CAPN2: variants seen among roughly 807,000 people sequenced by gnomAD.
CAPN2 encodes the protein calpain 2.
A neutral mutation model predicts 102.3 loss-of-function variants in CAPN2; 92 were observed. The observed-to-expected ratio is 0.90, with a 90% CI of 0.76 to 1.07. CAPN2 has a LOEUF of 1.07. Ranked by LOEUF, CAPN2 falls within the 50% of genes least tolerant of loss-of-function variation. CAPN2 has a pLI of 0.00. For missense variants in CAPN2, 800 were observed against 909.4 expected (o/e 0.88, Z 1.55); for synonymous variants, 340 against 355.4 (o/e 0.96, Z 0.49).
intron 1 of CAPN2, among the ~76,000 whole-genome samples, chr1:223,713,265 G>T (rs1177610891): frequency 6.6e-6 from 1 of 152,182 alleles, no homozygotes; most frequent in Non-Finnish European, 1.5e-5. Flanking sequence ...GGGAAGGGAC[G>T]GTGAGAGGCA....
At chr1:223,748,664 C>T (rs886125345) in intron 5 of CAPN2, among the ~76,000 whole-genome samples, 5 of 149,038 alleles carry the variant, frequency 3.4e-5, no homozygotes, top group African/African-American at 1.3e-4. Flanking sequence ...CCCCTCCGGC[C>T]CTCTCTCGGC....
Position 223,775,039 on chromosome 1 carries a change from TAA to T in CAPN2, c.*185_*186del, listed in dbSNP as rs1383267790. 10 of 617,740 alleles carry T rather than the reference TAA, an allele frequency of 1.6e-5. No individual in the cohort carries two copies. The highest frequency in any genetic ancestry group is 3.7e-5 in the African/African-American group (2 of 54,162). The allele number at this position is 617,740 out of a possible 1,614,324, so 38.3% of individuals were successfully genotyped here. A position where few individuals can be genotyped will look rare whatever the true frequency, so the allele number is the denominator to read the frequency against. On this transcript the variant is annotated 3_prime_UTR_variant, in exon 21 of 21. Coordinates refer to ENST00000295006, the MANE Select transcript of CAPN2 (RefSeq NM_001748.5). Reference sequence around the variant, plus strand: ...ATAGCAGAAGTTTCACACATCAAAGTAAAAGATTTGCATATCATTATACTAAA... The same window carrying T: ...ATAGCAGAAGTTTCACACATCAAAGTAAGATTTGCATATCATTATACTAAA...
At position 223,774,923 on chromosome 1, in the gene CAPN2, G is replaced by C. The variant is rs1661575978; in HGVS notation, c.*66G>C. 1 of 1,374,440 alleles carries C rather than the reference G, an allele frequency of 7.3e-7. No individual in the cohort carries two copies. The highest frequency in any genetic ancestry group is 1.0e-6 in the Non-Finnish European group (1 of 970,456). 85.1% of individuals were successfully genotyped at this position (1,374,440 alleles called of 1,614,324 possible). A position where few individuals can be genotyped will look rare whatever the true frequency, so the allele number is the denominator to read the frequency against. Reference sequence around the variant, plus strand: ...ATCAGCCAAGGACTAAGCTTCCATAGAAATACACTTTGTATCTGGACCTCA... The same window carrying C: ...ATCAGCCAAGGACTAAGCTTCCATACAAATACACTTTGTATCTGGACCTCA... On this transcript the variant is annotated 3_prime_UTR_variant, in exon 21 of 21. Transcript: ENST00000295006.
rs1311273422 is a variant in CAPN2, at chr1:223,731,269, T to G, written c.308-12831T>G. On this transcript the variant is annotated intron_variant, in intron 2 of 20. Coordinates refer to ENST00000295006, the MANE Select transcript of CAPN2 (RefSeq NM_001748.5). The surrounding 1 kb of genome is among the most constrained non-coding windows in gnomAD (Gnocchi z 4.2). ...GAAGAGAAGGAAGTTTGGCTTAAAT[T>G]CCCTTAGGAGCCAGTTCAGATTCCT... Among the ~76,000 whole-genome samples, 1 of 152,036 alleles carries G rather than the reference T, an allele frequency of 6.6e-6. No homozygotes were observed. The highest frequency in any genetic ancestry group is 1.5e-5 in the Non-Finnish European group (1 of 68,020).
At chr1:223,751,079 A>G in intron 7 of CAPN2, 104 bp downstream of exon 7, 2 of 1,077,024 alleles carry the variant, frequency 1.9e-6, no homozygotes, top group Non-Finnish European at 2.8e-6. Flanking sequence ...TCTGAGAAAT[A>G]TAGCCAGGAG....
Position 223,756,771 on chromosome 1 carries a change from C to T in CAPN2, c.1306-598C>T, listed in dbSNP as rs752001770. On this transcript the variant is annotated intron_variant, in intron 10 of 20. Transcript: ENST00000295006. This position sits in a 1 kb window ranked among gnomAD's most constrained non-coding sequence, Gnocchi z 4.1. ...TCTCTGAAACAGGAGCTGAGGACTT[C>T]GGATCTGGGACAGAATCGATCCAAG... is the stretch of plus-strand genomic sequence containing the variant. 2.6e-5 allele frequency among the ~76,000 whole-genome samples: 4 copies of T among 152,216 alleles called. No individual in the cohort carries two copies. The highest frequency in any genetic ancestry group is 7.2e-5 in the African/African-American group (3 of 41,446).
At chr1:223,707,670 G>A (rs1260009204), upstream of CAPN2, among the ~76,000 whole-genome samples, 2 of 152,190 alleles carry the variant, frequency 1.3e-5, no homozygotes, top group Non-Finnish European at 2.9e-5. Flanking sequence ...TGTGCGCAGC[G>A]ATCCCTAGAA....
At chr1:223,746,375 G>C (rs1417448585) in intron 4 of CAPN2, among the ~76,000 whole-genome samples, 3 of 150,874 alleles carry the variant, frequency 2.0e-5, no homozygotes, top group African/African-American at 7.3e-5. Context: ...CGACCCATTA[G>C]TAGACCTCCC....
chr1:223,770,597 C>A, intron 18 of CAPN2, 72 bp downstream of exon 18: 1 of 970,058 alleles, frequency 1.0e-6, no homozygotes, highest in Non-Finnish European at 1.6e-6. Context: ...TCATCTTATA[C>A]CATATAACAC....
intron 18 of CAPN2, chr1:223,771,526 T>G: frequency 2.9e-6 from 1 of 347,744 alleles, no homozygotes; most frequent in Non-Finnish European, 5.2e-6. Context: ...GCAGCATGGT[T>G]AACAACATGA....
rs1660327921 is a variant in CAPN2 at position 223,731,277 on chromosome 1, GAGCC to G, written c.308-12820_308-12817del. 6.6e-6 allele frequency among the ~76,000 whole-genome samples: 1 copy of G among 152,226 alleles called. No homozygotes were observed. Among genetic ancestry groups the G allele is most frequent in the Admixed American group, 6.5e-5 (1 of 15,290 alleles). ...GGAAGTTTGGCTTAAATTCCCTTAG[GAGCC>G]AGTTCAGATTCCTAAGCTGGCCCGG... On this transcript the variant is annotated intron_variant, in intron 2 of 20. Transcript: ENST00000295006. This position sits in a 1 kb window ranked among gnomAD's most constrained non-coding sequence, Gnocchi z 4.2.
Position 223,725,369 on chromosome 1 carries a change from C to G in CAPN2, c.307+7538C>G, listed in dbSNP as rs1187004847. On this transcript the variant is annotated intron_variant, in intron 2 of 20. Transcript: ENST00000295006. The surrounding 1 kb of genome is among the most constrained non-coding windows in gnomAD (Gnocchi z 4.1). Reference sequence around the variant, plus strand: ...CTGCACTCCATCCTGGGCAATAGAGCGAGACTTCATCTCAAAAAAAAAAAA... The same window carrying G: ...CTGCACTCCATCCTGGGCAATAGAGGGAGACTTCATCTCAAAAAAAAAAAA... 6.7e-6 allele frequency among the ~76,000 whole-genome samples: 1 copy of G among 150,226 alleles called. No homozygotes were observed. Among genetic ancestry groups the G allele is most frequent in the Admixed American group, 6.6e-5 (1 of 15,064 alleles).
intron 1 of CAPN2, among the ~76,000 whole-genome samples, chr1:223,702,095 A>AGGGAGGGAGGGAGGGAGGG (rs1659493847): frequency 2.2e-5 from 1 of 45,982 alleles, no homozygotes; most frequent in Non-Finnish European, 5.3e-5. Flanking sequence ...GGGAGGGAGG[A>AGGGAGGGAGGGAGGGAGGG]AAGAAGGAAA....
rs1417371269 is a variant in CAPN2 at position 223,755,285 on chromosome 1, T to C, written c.1136-195T>C. On this transcript the variant is annotated intron_variant, in intron 9 of 20. Coordinates refer to ENST00000295006, the MANE Select transcript of CAPN2 (RefSeq NM_001748.5). The surrounding 1 kb of genome is among the most constrained non-coding windows in gnomAD (Gnocchi z 4.1). ...CCCGCCATTTTCTGACATCTCCCGC[T>C]GTCTCCCACCATCTTCTGCCATACT... Among the ~76,000 whole-genome samples the C allele has an allele frequency of 1.3e-5, 2 of 151,394 alleles. No individual in the cohort carries two copies. The highest frequency in any genetic ancestry group is 2.4e-5 in the African/African-American group (1 of 41,136).
intron 2 of CAPN2, among the ~76,000 whole-genome samples, chr1:223,738,146 A>G (rs1368287513): frequency 6.6e-6 from 1 of 152,048 alleles, no homozygotes; most frequent in Non-Finnish European, 1.5e-5. Context: ...AACAATTTTT[A>G]ATCTTATTAC....
chr1:223,719,022 A>G (rs1484976579), intron 2 of CAPN2, among the ~76,000 whole-genome samples: 1 of 150,952 alleles, frequency 6.6e-6, no homozygotes, highest in Non-Finnish European at 1.5e-5. Context: ...GAAGAACATG[A>G]GCTGGGCGGG....
chr1:223,764,275 T>C lies in CAPN2; in HGVS notation c.1690+68T>C, dbSNP rs1661259178. On this transcript the variant is annotated intron_variant, in intron 15 of 20. Coordinates refer to ENST00000295006, the MANE Select transcript of CAPN2 (RefSeq NM_001748.5). ...CTGTGGATGGGAGGGAACATGGAAA[T>C]CTTTCCCCCTCCATGTCTGGCTGCT... 4 of 1,354,888 alleles carry C rather than the reference T, an allele frequency of 3.0e-6. No homozygotes were observed. In the Admixed American group the frequency reaches 6.7e-5, roughly 23 times the overall value. The allele number at this position is 1,354,888 out of a possible 1,614,324, so 83.9% of individuals were successfully genotyped here. A position where few individuals can be genotyped will look rare whatever the true frequency, so the allele number is the denominator to read the frequency against.
chr1:223,704,973 G>A (rs1238874316), intron 1 of CAPN2, among the ~76,000 whole-genome samples: 1 of 152,096 alleles, frequency 6.6e-6, no homozygotes, highest in Non-Finnish European at 1.5e-5. Flanking sequence ...GCCGCTCCCT[G>A]TTCCAGCACC....
intron 2 of CAPN2, among the ~76,000 whole-genome samples, chr1:223,738,433 A>G (rs1386437172): frequency 6.6e-5 from 10 of 152,222 alleles, no homozygotes; most frequent in Non-Finnish European, 1.3e-4. Context: ...TGGCCTCCCA[A>G]GAGCTAGAAT....
Sources: gnomAD v4.1 joint callset for allele counts (sites outside exome capture counted in the v4.1 genomes callset) on GRCh38, gnomAD v4.1.1 for gene constraint, Gnocchi (gnomAD v3.1) non-coding constraint, MANE v1.5 for transcripts, NCBI Gene and HGNC (gene_info 2026-07-23, HGNC 2026-07-21) for gene names.